KHK: variants seen among roughly 807,000 people sequenced by gnomAD.
KHK encodes the protein fructokinase.
In KHK, 37 loss-of-function variants were observed where a neutral mutation model predicts 36.0. The observed-to-expected ratio is 1.03, with a 90% confidence interval of 0.79 to 1.35. KHK has a LOEUF of 1.35. Among genes scored for constraint, KHK ranks in the 40% most tolerant of loss-of-function variants. The pLI is 0.00. For missense variants in KHK, 395 were observed against 391.9 expected (o/e 1.01, Z -0.07); for synonymous variants, 161 against 162.8 (o/e 0.99, Z 0.08).
chr2:27,091,174 G>A (rs1413699483), intron 1 of KHK, among the ~76,000 whole-genome samples: 2 of 152,350 alleles, frequency 1.3e-5, no homozygotes, highest in East Asian at 3.9e-4. Flanking sequence ...TAAACCTCCC[G>A]GGCTCATACG....
chr2:27,090,071 C>T (rs1210181772), intron 1 of KHK, among the ~76,000 whole-genome samples: 2 of 152,182 alleles, frequency 1.3e-5, no homozygotes, highest in African/African-American at 2.4e-5. Context: ...AGGATGGTCT[C>T]GAACTCCCGA....
At chr2:27,098,328 C>T (rs1031076073) in intron 5 of KHK, among the ~76,000 whole-genome samples, 4 of 151,906 alleles carry the variant, frequency 2.6e-5, no homozygotes. Flanking sequence ...CAAGACCAGC[C>T]TGGACAACAT....
rs781314879 is a variant in KHK at position 27,087,304 on chromosome 2, C to T, written c.45C>T (p.Asp15=). ...QILCVGLVVL[D]VISLVDKYPK... is the part of the protein sequence containing the mutation. ...TGTGCGTGGGGCTAGTGGTGCTGGA[C>T]GTCATCAGCCTGGTGGACAAGTACC... Residue 15 remains aspartate (D), a synonymous_variant, in exon 1 of 8, where the codon GAC becomes GAT. Coordinates refer to ENST00000260598, the MANE Select transcript of KHK (RefSeq NM_006488.3). 2 of 1,601,350 alleles carry T rather than the reference C, an allele frequency of 1.2e-6. No homozygotes were observed. Among genetic ancestry groups the T allele is most frequent in the Non-Finnish European group, 8.5e-7 (1 of 1,173,624 alleles).
chr2:27,098,846 C>T (rs1256158259), intron 5 of KHK: 1 of 286,242 alleles, frequency 3.5e-6, no homozygotes, highest in Non-Finnish European at 6.9e-6. Flanking sequence ...AACAAACGGA[C>T]CAGGCCTTTT....
In KHK at chr2:27,099,560, T is replaced by G; in HGVS notation, c.794T>G (p.Ile265Ser). Residue 265 changes from isoleucine (I) to serine (S), a missense_variant, in exon 7 of 8, where the codon ATC becomes AGC. Transcript: ENST00000260598. ...GAGDTFNASV[I>S]FSLSQGRSVQ... ...GGAGACACCTTCAATGCCTCCGTCA[T>G]CTTCAGCCTCTCCCAGGGTGAGTAT... 6.2e-7 allele frequency: 1 copy of G among 1,614,114 alleles called. No homozygotes were observed. The highest frequency in any genetic ancestry group is 8.5e-7 in the Non-Finnish European group (1 of 1,180,006).
chr2:27,090,452 CTTTTTTTTTTT>C (rs559420015), intron 1 of KHK, among the ~76,000 whole-genome samples: 3 of 110,126 alleles, frequency 2.7e-5, no homozygotes, highest in African/African-American at 6.9e-5. Flanking sequence ...TTTTTTCTTT[CTTTTTTTTTTT>C]TTTTTTTTGG....
rs369037689 is a variant in KHK, at chr2:27,099,292, G to C, written c.653+8G>C. 12 of 1,613,904 alleles carry C rather than the reference G, an allele frequency of 7.4e-6. No homozygotes were observed. The highest frequency in any genetic ancestry group is 1.0e-5 in the Non-Finnish European group (12 of 1,179,876). On this transcript the variant is annotated splice_region_variant and intron_variant, in intron 6 of 7. Transcript: ENST00000260598. Reference sequence around the variant, plus strand: ...TGGTCGTGTGAGGAAAGGGTGAGCCGGGGAAGCCAGGAAGGGGCTTTAGAA... The same window carrying C: ...TGGTCGTGTGAGGAAAGGGTGAGCCCGGGAAGCCAGGAAGGGGCTTTAGAA...
At chr2:27,090,277 G>C (rs1032145545) in intron 1 of KHK, among the ~76,000 whole-genome samples, 2 of 152,146 alleles carry the variant, frequency 1.3e-5, no homozygotes, top group Non-Finnish European at 2.9e-5. Context: ...TTTAAAATAC[G>C]GAGTAATTAG....
Position 27,099,586 on chromosome 2 carries a change from GGCA to G in KHK, c.811+14_811+16del. 1 of 1,614,130 alleles carries G rather than the reference GGCA, an allele frequency of 6.2e-7. No individual in the cohort carries two copies. The stretch of plus-strand genomic sequence containing the variant: ...CTTCAGCCTCTCCCAGGGTGAGTAT[GGCA>G]GCAGGAGGGGAAAAGGACTGGGACC... On this transcript the variant is annotated intron_variant, in intron 7 of 7. Coordinates refer to ENST00000260598, the MANE Select transcript of KHK (RefSeq NM_006488.3).
intron 5 of KHK, 156 bp from the exon 6 acceptor site, chr2:27,099,033 TAAAGAAA>T (rs1278612814): frequency 2.3e-5 from 17 of 733,232 alleles, no homozygotes; most frequent in Non-Finnish European, 2.5e-5. Flanking sequence ...TCACAAAAAA[TAAAGAAA>T]AAAGAAAACC....
At chr2:27,088,930 C>T (rs1477558678) in intron 1 of KHK, among the ~76,000 whole-genome samples, 1 of 152,178 alleles carries the variant, frequency 6.6e-6, no homozygotes, top group Non-Finnish European at 1.5e-5. Flanking sequence ...AAAGACACGA[C>T]AGTGCTGATG....
chr2:27,088,011 C>T (rs1373868924), intron 1 of KHK: 1 of 151,356 alleles, frequency 6.6e-6, no homozygotes, highest in Non-Finnish European at 1.5e-5. Flanking sequence ...ACCAGAAGTC[C>T]TTTTCACAGA....
Position 27,099,761 on chromosome 2 carries a change from C to G in KHK, c.*11C>G, listed in dbSNP as rs759689060. ...GATGGCATCGTGTGAGAGCAGGTGC[C>G]GGCTCCTCACACACCATGGAGACTA... is the stretch of plus-strand genomic sequence containing the variant. On this transcript the variant is annotated 3_prime_UTR_variant, in exon 8 of 8. Coordinates refer to ENST00000260598, the MANE Select transcript of KHK (RefSeq NM_006488.3). 1 of 1,613,190 alleles carries G rather than the reference C, an allele frequency of 6.2e-7. No individual in the cohort carries two copies. Among genetic ancestry groups the G allele is most frequent in the Admixed American group, 1.7e-5 (1 of 59,922 alleles).
Position 27,086,953 on chromosome 2 carries a change from T to G in KHK, c.-307T>G, listed in dbSNP as rs1207844096. On this transcript the variant is annotated 5_prime_UTR_variant, in exon 1 of 8. Coordinates refer to ENST00000260598, the MANE Select transcript of KHK (RefSeq NM_006488.3). ...GAGTCCATCTGACAAGCGAGGAAAC[T>G]AAGGCTGAGAAGTGGGAGGCGTTGC... 3.0e-6 allele frequency: 1 copy of G among 333,798 alleles called. No homozygotes were observed. Among genetic ancestry groups the G allele is most frequent in the African/African-American group, 2.1e-5 (1 of 47,882 alleles). The allele number at this position is 333,798 out of a possible 1,614,324, so 20.7% of individuals were successfully genotyped here. A position where few individuals can be genotyped will look rare whatever the true frequency, so the allele number is the denominator to read the frequency against.
At position 27,099,161 on chromosome 2, in the gene KHK, G is replaced by C. The variant is rs770817275; in HGVS notation, c.565-35G>C. On this transcript the variant is annotated intron_variant, in intron 5 of 7. Coordinates refer to ENST00000260598, the MANE Select transcript of KHK (RefSeq NM_006488.3). ...GCTGCTGTTGGTGAATGACGAGTTA[G>C]AAGTGACCACCAGCTTCTCTTCCAC... The C allele has an allele frequency of 3.4e-5, 54 of 1,603,072 alleles. 2 individuals are homozygous for C. In the South Asian group the frequency reaches 5.1e-4, roughly 15 times the overall value.
chr2:27,095,856 G>A (rs140476467), intron 3 of KHK, among the ~76,000 whole-genome samples: 1 of 152,336 alleles, frequency 6.6e-6, no homozygotes, highest in Non-Finnish European at 1.5e-5. Context: ...GGCAATCCTA[G>A]TCAAATGCTT....
At chr2:27,094,424 TC>T in intron 2 of KHK, 2 of 1,607,920 alleles carry the variant, frequency 1.2e-6, no homozygotes. Context: ...TACCCTCCAG[TC>T]CCCAAAACCC....
Position 27,099,906 on chromosome 2 carries a change from G to A in KHK, c.*156G>A. The A allele has an allele frequency of 1.3e-6, 2 of 1,502,916 alleles. No individual in the cohort carries two copies. The allele number at this position is 1,502,916 out of a possible 1,614,324, so 93.1% of individuals were successfully genotyped here. A position where few individuals can be genotyped will look rare whatever the true frequency, so the allele number is the denominator to read the frequency against. Reference sequence around the variant, plus strand: ...CTGTGTCCTGTGTTCCCCACAGGGAGAGGCTCTGGGGGGATGGCTGGGGGA... The same window carrying A: ...CTGTGTCCTGTGTTCCCCACAGGGAAAGGCTCTGGGGGGATGGCTGGGGGA... On this transcript the variant is annotated 3_prime_UTR_variant, in exon 8 of 8. Coordinates refer to ENST00000260598, the MANE Select transcript of KHK (RefSeq NM_006488.3).
chr2:27,087,387 G>A (rs1271885468), intron 1 of KHK, 36 bp downstream of exon 1: 1 of 1,475,420 alleles, frequency 6.8e-7, no homozygotes, highest in East Asian at 2.5e-5. Context: ...GACCCCAGGG[G>A]CTGCTGCAGT....
Sources: allele counts gnomAD v4.1 joint callset (sites outside exome capture counted in the v4.1 genomes callset), GRCh38; gene constraint gnomAD v4.1.1; transcripts MANE v1.5; gene names NCBI Gene and HGNC (gene_info 2026-07-23, HGNC 2026-07-21).